The following ZEB1 variants were observed in gnomAD, a reference collection of about 807,000 sequenced individuals.
ZEB1 encodes zinc finger E-box-binding homeobox 1.
A neutral mutation model predicts 84.9 loss-of-function variants in ZEB1; 21 were observed. That is an observed-to-expected ratio of 0.25 (90% CI 0.18 to 0.36). The LOEUF (loss-of-function observed/expected upper bound fraction) is 0.36. Ranked by LOEUF, ZEB1 falls within the 10% of genes least tolerant of loss-of-function variation. The pLI is 1.00. For synonymous variants in ZEB1, 420 were observed against 471.1 expected (o/e 0.89, Z 1.41); for missense variants, 1,104 against 1,330.2 (o/e 0.83, Z 2.65).
chr10:31,477,406 G>A (rs1420121908), intron 2 of ZEB1, among the ~76,000 whole-genome samples: 2 of 151,966 alleles, frequency 1.3e-5, no homozygotes, highest in Non-Finnish European at 2.9e-5. Flanking sequence ...TGGATTGGAA[G>A]ACTCAATATT....
intron 6 of ZEB1, among the ~76,000 whole-genome samples, chr10:31,518,005 G>T (rs777548691): frequency 1.3e-5 from 2 of 152,012 alleles, no homozygotes; most frequent in Admixed American, 6.6e-5. Context: ...ATTCCCTTAC[G>T]TACCATTTCT....
At chr10:31,343,054 T>G (rs1051170719) in intron 1 of ZEB1, among the ~76,000 whole-genome samples, 20 of 152,184 alleles carry the variant, frequency 1.3e-4, no homozygotes. Flanking sequence ...GCACTTGCTC[T>G]TCTAAATCTT....
intron 4 of ZEB1, 33 bp from the exon 5 acceptor site, chr10:31,510,640 T>A (rs2069815644): frequency 1.3e-6 from 2 of 1,579,922 alleles, no homozygotes; most frequent in Non-Finnish European, 1.7e-6. Context: ...TCTGAATGTT[T>A]TAAATTTAAA....
At chr10:31,416,266 G>C (rs557197860) in intron 1 of ZEB1, among the ~76,000 whole-genome samples, 9 of 150,518 alleles carry the variant, frequency 6.0e-5, no homozygotes, top group Admixed American at 5.9e-4. Flanking sequence ...TTATAAGTGA[G>C]TTCCTAATTT....
At chr10:31,450,731 CT>C (rs1235383163) in intron 1 of ZEB1, among the ~76,000 whole-genome samples, 11 of 151,860 alleles carry the variant, frequency 7.2e-5, no homozygotes, top group Admixed American at 5.2e-4. Context: ...TTTCAAATGC[CT>C]TTCTGTATCT....
chr10:31,522,967 T>G (rs948280579), intron 7 of ZEB1, among the ~76,000 whole-genome samples: 2 of 152,200 alleles, frequency 1.3e-5, no homozygotes, highest in Non-Finnish European at 2.9e-5. Flanking sequence ...AAAAGAGCCA[T>G]CCTTAGCATT....
intron 2 of ZEB1, among the ~76,000 whole-genome samples, chr10:31,491,080 A>G (rs1296112149): frequency 6.6e-6 from 1 of 151,732 alleles, no homozygotes; most frequent in African/African-American, 2.4e-5. Context: ...GCATAAACCC[A>G]AGAGTTCATA....
intron 3 of ZEB1, among the ~76,000 whole-genome samples, chr10:31,496,067 AT>A (rs1319147477): frequency 6.6e-6 from 1 of 152,114 alleles, no homozygotes; most frequent in Non-Finnish European, 1.5e-5. Flanking sequence ...TCTCCATTCT[AT>A]AAGAATGACA....
chr10:31,400,539 A>T (rs1224476988), intron 1 of ZEB1, among the ~76,000 whole-genome samples: 1 of 152,192 alleles, frequency 6.6e-6, no homozygotes, highest in Non-Finnish European at 1.5e-5. Context: ...TTGAACTTAA[A>T]TATGATTACT....
intron 1 of ZEB1, chr10:31,321,087 A>C: frequency 1.0e-6 from 1 of 975,744 alleles, no homozygotes; most frequent in Non-Finnish European, 1.2e-6. Flanking sequence ...TGTTTAGGAG[A>C]AAACTCTCTC....
Position 31,527,298 on chromosome 10 carries a change from A to G in ZEB1, c.*34A>G. ...CTAGAAGGAAAATAAATTCTAATTG[A>G]TAATGAATTTCGTTCAATATTATCC... On this transcript the variant is annotated 3_prime_UTR_variant, in exon 9 of 9. Transcript: ENST00000424869. 1.3e-6 allele frequency: 2 copies of G among 1,569,392 alleles called. No homozygotes were observed. Among genetic ancestry groups the G allele is most frequent in the Non-Finnish European group, 1.7e-6 (2 of 1,161,544 alleles).
intron 1 of ZEB1, chr10:31,320,531 C>G (rs914981950): frequency 1.3e-5 from 2 of 152,238 alleles, no homozygotes; most frequent in African/African-American, 4.8e-5. Context: ...GGGGCTGCTA[C>G]TTGCACCGCA....
At chr10:31,334,052 A>AAATTTAT (rs2037431232) in intron 1 of ZEB1, among the ~76,000 whole-genome samples, 1 of 152,028 alleles carries the variant, frequency 6.6e-6, no homozygotes, top group African/African-American at 2.4e-5. Context: ...AGAAACTAGG[A>AAATTTAT]CTGCAGAAGA....
intron 1 of ZEB1, among the ~76,000 whole-genome samples, chr10:31,411,029 T>C (rs907287314): frequency 2.0e-5 from 3 of 152,234 alleles, no homozygotes; most frequent in Non-Finnish European, 2.9e-5. Flanking sequence ...TTTCTTGTCG[T>C]CTGCTAGCTT....
At chr10:31,517,146 T>A (rs995661715) in intron 6 of ZEB1, among the ~76,000 whole-genome samples, 3 of 152,100 alleles carry the variant, frequency 2.0e-5, no homozygotes, top group African/African-American at 7.2e-5. Flanking sequence ...AAGAGCTGAA[T>A]ATCTTTTAGG....
At chr10:31,522,112 T>G (rs1012657706) in intron 7 of ZEB1, among the ~76,000 whole-genome samples, 176 bp downstream of exon 7, 3 of 152,216 alleles carry the variant, frequency 2.0e-5, no homozygotes, top group African/African-American at 7.2e-5. Context: ...CAGTTGGTTG[T>G]TTGCTAATCC....
At chr10:31,384,429 G>A (rs529397944) in intron 1 of ZEB1, among the ~76,000 whole-genome samples, 1 of 152,180 alleles carries the variant, frequency 6.6e-6, no homozygotes, top group Non-Finnish European at 1.5e-5. Flanking sequence ...TGTCTCCCCG[G>A]TTGAAGTTCA....
chr10:31,429,630 A>G (rs1021486913), intron 1 of ZEB1, among the ~76,000 whole-genome samples: 4 of 151,326 alleles, frequency 2.6e-5, no homozygotes, highest in Non-Finnish European at 5.9e-5. Flanking sequence ...AACCCTCATG[A>G]CACAAGTTTA....
chr10:31,414,235 T>A (rs1328862329), intron 1 of ZEB1, among the ~76,000 whole-genome samples: 1 of 152,244 alleles, frequency 6.6e-6, no homozygotes, highest in African/African-American at 2.4e-5. Context: ...ATAGTTGAGC[T>A]TTAATTGTAC....
Sources: gnomAD v4.1 joint callset for allele counts (sites outside exome capture counted in the v4.1 genomes callset) on GRCh38, gnomAD v4.1.1 for gene constraint, MANE v1.5 for transcripts, NCBI Gene and HGNC (gene_info 2026-07-23, HGNC 2026-07-21) for gene names.